Variants in SNTG1 observed in about 807,000 individuals in gnomAD.
The protein encoded by SNTG1 is gamma-1-syntrophin.
Under a neutral mutation model 74.7 loss-of-function variants are expected in SNTG1, and 39 were observed. That is an observed-to-expected ratio of 0.52 (90% CI 0.40 to 0.68). The LOEUF (loss-of-function observed/expected upper bound fraction) is 0.68. Ranked by LOEUF, SNTG1 falls within the 30% of genes least tolerant of loss-of-function variation. The pLI, the probability that SNTG1 is intolerant of heterozygous loss-of-function variation, is 0.00. For synonymous variants in SNTG1, 254 were observed against 217.1 expected (o/e 1.17, Z -1.49); for missense variants, 685 against 609.5 (o/e 1.12, Z -1.30).
chr8:49,969,918 C>CTGTG (rs34129313), intron 1 of SNTG1, among the ~76,000 whole-genome samples: 4,468 of 149,072 alleles, frequency 0.03, 111 homozygotes, highest in East Asian at 0.079. Flanking sequence ...AATAAAAAAC[C>CTGTG]TGTGTGTGTG....
chr8:50,347,391 A>C (rs979910719), intron 2 of SNTG1, among the ~76,000 whole-genome samples: 1 of 152,210 alleles, frequency 6.6e-6, no homozygotes, highest in Admixed American at 6.5e-5. Context: ...AAATAAAACA[A>C]AACAAAACAT....
chr8:49,920,382 G>A, intron 1 of SNTG1, among the ~76,000 whole-genome samples: 2 of 151,970 alleles, frequency 1.3e-5, no homozygotes, highest in Middle Eastern at 3.2e-3. Flanking sequence ...GGACAATCAA[G>A]CTCCAGGAAA....
chr8:50,309,684 C>T (rs554033941), intron 2 of SNTG1, among the ~76,000 whole-genome samples: 84 of 152,226 alleles, frequency 5.5e-4, no homozygotes, highest in African/African-American at 1.3e-3. Context: ...TTTAGGTATG[C>T]AGCTATTTTA....
chr8:50,563,862 C>G (rs185239232), intron 12 of SNTG1, among the ~76,000 whole-genome samples: 55 of 152,240 alleles, frequency 3.6e-4, no homozygotes, highest in Non-Finnish European at 2.4e-4. Flanking sequence ...AAGATTCTTT[C>G]AGACAGCTCT....
At chr8:50,368,045 A>T (rs1468005269) in intron 2 of SNTG1, among the ~76,000 whole-genome samples, 1 of 152,144 alleles carries the variant, frequency 6.6e-6, no homozygotes, top group Non-Finnish European at 1.5e-5. Flanking sequence ...CTGGTAAGGG[A>T]TCGGGAGGAA....
chr8:50,637,304 TATATAGAGTAGGCTCTCTCA>T (rs2095045355), intron 13 of SNTG1, among the ~76,000 whole-genome samples: 1 of 152,176 alleles, frequency 6.6e-6, no homozygotes, highest in Admixed American at 6.6e-5. Flanking sequence ...ATGAACTCTT[TATATAGAGTAGGCTCTCTCA>T]ATTCATGAGT....
chr8:50,259,509 AAAGAAAGAAAGAAAGAAAGAAAGAAAG>A (rs1246344399), intron 2 of SNTG1, among the ~76,000 whole-genome samples: 2 of 10,982 alleles, frequency 1.8e-4, no homozygotes, highest in Non-Finnish European at 8.9e-4. Flanking sequence ...AAAAAAAAAA[AAAGAAAGAAAGAAAGAAAGAAAGAAAG>A]AAAGAAAGAA....
At chr8:50,378,990 C>T (rs918017919) in intron 2 of SNTG1, among the ~76,000 whole-genome samples, 2 of 152,152 alleles carry the variant, frequency 1.3e-5, no homozygotes, top group African/African-American at 4.8e-5. Context: ...TGGAGCCTTA[C>T]CAGGGTCTTG....
intron 2 of SNTG1, among the ~76,000 whole-genome samples, chr8:50,229,522 C>T (rs117361755): frequency 0.012 from 1,873 of 151,398 alleles, 18 homozygotes; most frequent in Non-Finnish European, 0.022. Flanking sequence ...AATAATGATC[C>T]GTTTTACAAA....
intron 1 of SNTG1, among the ~76,000 whole-genome samples, chr8:49,973,530 G>T (rs1189662292): frequency 6.7e-6 from 1 of 149,522 alleles, no homozygotes; most frequent in African/African-American, 2.4e-5. Flanking sequence ...AAAAAAAAAA[G>T]AAAAGAGTCT....
chr8:50,661,855 C>A (rs920866349), intron 15 of SNTG1, among the ~76,000 whole-genome samples: 3 of 152,110 alleles, frequency 2.0e-5, no homozygotes, highest in African/African-American at 7.2e-5. Flanking sequence ...GTCCCCCTCC[C>A]CTTAGTAAGT....
At chr8:50,551,563 T>C (rs1205475195) in intron 11 of SNTG1, among the ~76,000 whole-genome samples, 1 of 152,194 alleles carries the variant, frequency 6.6e-6, no homozygotes. Flanking sequence ...TTATTTCTCA[T>C]TTTCTATGGA....
intron 1 of SNTG1, among the ~76,000 whole-genome samples, chr8:49,961,747 C>T (rs1810702512): frequency 6.6e-6 from 1 of 152,198 alleles, no homozygotes; most frequent in South Asian, 2.1e-4. Context: ...GAAATGCCCT[C>T]TCTACATCAG....
intron 2 of SNTG1, among the ~76,000 whole-genome samples, chr8:50,312,015 G>T (rs1220106563): frequency 6.6e-6 from 1 of 152,084 alleles, no homozygotes; most frequent in African/African-American, 2.4e-5. Flanking sequence ...GTAAAGAAAG[G>T]TAGTATGCAT....
At chr8:50,744,369 A>G (rs1000945008) in intron 17 of SNTG1, among the ~76,000 whole-genome samples, 1 of 152,020 alleles carries the variant, frequency 6.6e-6, no homozygotes, top group African/African-American at 2.4e-5. Flanking sequence ...TTGGGGATAT[A>G]CTTAACCAAG....
intron 17 of SNTG1, among the ~76,000 whole-genome samples, chr8:50,731,511 C>T (rs879943488): frequency 2.0e-5 from 3 of 152,056 alleles, no homozygotes; most frequent in Non-Finnish European, 4.4e-5. Context: ...AAAATTCTTG[C>T]TCCTGTGTTT....
intron 2 of SNTG1, among the ~76,000 whole-genome samples, chr8:50,215,596 C>A (rs13340583): frequency 0.091 from 13,658 of 150,896 alleles, 1,631 homozygotes; most frequent in African/African-American, 0.28. Flanking sequence ...AGGTTTATAA[C>A]AAAGGTGATA....
intron 15 of SNTG1, among the ~76,000 whole-genome samples, chr8:50,700,647 A>T (rs907853471): frequency 2.0e-5 from 3 of 152,042 alleles, no homozygotes; most frequent in African/African-American, 7.3e-5. Flanking sequence ...TAAGTCCTTG[A>T]TGGTACTACA....
chr8:50,224,831 T>C (rs2132017195), intron 2 of SNTG1, among the ~76,000 whole-genome samples: 1 of 152,278 alleles, frequency 6.6e-6, no homozygotes, highest in South Asian at 2.1e-4. Flanking sequence ...GCCCAAAATA[T>C]ATTGCCCTGA....
Sources: gnomAD v4.1 joint callset for allele counts (sites outside exome capture counted in the v4.1 genomes callset) on GRCh38, gnomAD v4.1.1 for gene constraint, MANE v1.5 for transcripts, NCBI Gene and HGNC (gene_info 2026-07-23, HGNC 2026-07-21) for gene names.